The following ANKS1B variants were observed in gnomAD, a reference collection of about 807,000 sequenced individuals.
The protein encoded by ANKS1B is ankyrin repeat and sterile alpha motif domain-containing protein 1B.
ANKS1B carries 36 observed loss-of-function variants against 148.3 expected under a neutral mutation model. The observed-to-expected ratio is 0.24, with a 90% CI of 0.19 to 0.32. ANKS1B has a LOEUF of 0.32. ANKS1B is among the 10% of genes least tolerant of loss of function. The probability of loss-of-function intolerance (pLI) is 1.00; values close to 1 mark genes in which losing one functional copy is unlikely to be tolerated. For missense variants in ANKS1B, 1,157 were observed against 1,542.6 expected, an observed-to-expected ratio of 0.75 and a Z score of 4.19; for synonymous variants, 542 against 560.8, an observed-to-expected ratio of 0.97 and a Z score of 0.47.
chr12:99,409,660 TA>T (rs2094625253), intron 11 of ANKS1B, among the ~76,000 whole-genome samples: 3 of 151,352 alleles, frequency 2.0e-5, no homozygotes, highest in African/African-American at 7.3e-5. Context: ...AACTAAAAAT[TA>T]AAATAAAAAA....
intron 14 of ANKS1B, among the ~76,000 whole-genome samples, chr12:99,239,870 G>A (rs1030569140): frequency 6.6e-6 from 1 of 152,158 alleles, no homozygotes; most frequent in Non-Finnish European, 1.5e-5. Context: ...CAAATGCTGA[G>A]AGATTTTGTC....
intron 25 of ANKS1B, among the ~76,000 whole-genome samples, chr12:98,754,122 T>C (rs2098170049): frequency 1.3e-5 from 2 of 152,310 alleles, no homozygotes; most frequent in Admixed American, 1.3e-4. Context: ...AGTGAGTTGC[T>C]AGGAAATACT....
At chr12:99,388,163 A>G (rs573627201) in intron 12 of ANKS1B, among the ~76,000 whole-genome samples, 3 of 152,234 alleles carry the variant, frequency 2.0e-5, no homozygotes, top group Non-Finnish European at 4.4e-5. Flanking sequence ...GAACTCTGTT[A>G]GCTTTAAGAG....
intron 12 of ANKS1B, among the ~76,000 whole-genome samples, chr12:99,256,198 C>T (rs566920622): frequency 1.5e-4 from 22 of 149,176 alleles, no homozygotes; most frequent in South Asian, 1.1e-3. Flanking sequence ...TGCAGTGTGC[C>T]GAGTTCGTGT....
chr12:99,649,400 T>C (rs2153433865), intron 9 of ANKS1B: 2 of 1,602,686 alleles, frequency 1.2e-6, no homozygotes, highest in East Asian at 2.2e-5. Context: ...GAGATATGAA[T>C]CCAACATACC....
At chr12:99,315,256 A>G (rs544594834) in intron 12 of ANKS1B, among the ~76,000 whole-genome samples, 1 of 152,098 alleles carries the variant, frequency 6.6e-6, no homozygotes, top group Non-Finnish European at 1.5e-5. Flanking sequence ...AAAAAAACAA[A>G]AAACCTATCA....
chr12:98,819,493 G>C (rs2099167167), intron 19 of ANKS1B, among the ~76,000 whole-genome samples: 1 of 152,158 alleles, frequency 6.6e-6, no homozygotes. Flanking sequence ...TGTTTCAGAA[G>C]ATATCATGAA....
intron 9 of ANKS1B, among the ~76,000 whole-genome samples, chr12:99,632,356 A>C (rs996462332): frequency 1.3e-5 from 2 of 152,110 alleles, no homozygotes; most frequent in African/African-American, 4.8e-5. Flanking sequence ...GTGACCACAG[A>C]CAGCCCCTGC....
chr12:99,535,350 G>A (rs1037532720), intron 9 of ANKS1B, among the ~76,000 whole-genome samples: 6 of 152,170 alleles, frequency 3.9e-5, no homozygotes, highest in African/African-American at 7.2e-5. Flanking sequence ...GTTGTCCCAC[G>A]TCCATGTTAA....
chr12:98,939,413 T>C (rs2099831321), intron 17 of ANKS1B, among the ~76,000 whole-genome samples: 1 of 152,232 alleles, frequency 6.6e-6, no homozygotes, highest in African/African-American at 2.4e-5. Context: ...AAGAATTTGC[T>C]AAGCAGATGC....
intron 8 of ANKS1B, among the ~76,000 whole-genome samples, chr12:99,755,852 G>A (rs146172890): frequency 0.016 from 2,399 of 151,896 alleles, 20 homozygotes; most frequent in Non-Finnish European, 0.026. Flanking sequence ...AACCAACAAA[G>A]ATCAAAGAAG....
In ANKS1B at chr12:98,896,472, T is replaced by C. The variant is rs1469069997; in HGVS notation, c.2779-64336A>G. The stretch of plus-strand genomic sequence containing the variant: ...AAAGGCTTAGATCTGCAACTGGTAG[T>C]TTTGGAAGAACATTCTTTTCCTTAA... On this transcript the variant is annotated intron_variant, in intron 17 of 26. Transcript: ENST00000683438. Among the ~76,000 whole-genome samples, 4 of 152,186 alleles carry C rather than the reference T, an allele frequency of 2.6e-5. 1 individual carries two copies. Among genetic ancestry groups the C allele is most frequent in the African/African-American group, 9.7e-5 (4 of 41,434 alleles).
chr12:99,538,210 T>C (rs1445409907), intron 9 of ANKS1B, among the ~76,000 whole-genome samples: 3 of 152,150 alleles, frequency 2.0e-5, no homozygotes, highest in African/African-American at 4.8e-5. Flanking sequence ...AGTTTTGTTC[T>C]TTTTGCTTAG....
chr12:99,018,986 T>C (rs1346372136), intron 17 of ANKS1B, among the ~76,000 whole-genome samples: 2 of 152,208 alleles, frequency 1.3e-5, no homozygotes, highest in South Asian at 2.1e-4. Context: ...TGTTGCTATA[T>C]AGTTATGAAA....
chr12:99,257,630 T>C (rs1260227395), intron 12 of ANKS1B, among the ~76,000 whole-genome samples: 4 of 152,178 alleles, frequency 2.6e-5, no homozygotes, highest in African/African-American at 7.2e-5. Context: ...CCAGTAATAA[T>C]ATCTATAGTC....
chr12:98,904,353 G>A (rs970560374), intron 17 of ANKS1B, among the ~76,000 whole-genome samples: 1 of 151,924 alleles, frequency 6.6e-6, no homozygotes, highest in Non-Finnish European at 1.5e-5. Flanking sequence ...AAAGATGAAG[G>A]TTCTGCTGTT....
intron 20 of ANKS1B, among the ~76,000 whole-genome samples, chr12:98,802,599 T>C (rs904930364): frequency 4.3e-5 from 1 of 23,204 alleles, no homozygotes; most frequent in Non-Finnish European, 1.5e-4. Flanking sequence ...ACAGGCTTTT[T>C]TTTTTTTTTT....
intron 10 of ANKS1B, among the ~76,000 whole-genome samples, chr12:99,446,665 T>C (rs1272890303): frequency 6.6e-6 from 1 of 152,022 alleles, no homozygotes; most frequent in Non-Finnish European, 1.5e-5. Flanking sequence ...CATAGAAACA[T>C]AGCCTGAAGA....
chr12:99,836,232 C>A lies in ANKS1B; in HGVS notation c.135-10843G>T, dbSNP rs2084838164. The stretch of plus-strand genomic sequence containing the variant: ...ACAGACACATACACACACACACGCA[C>A]AAAAGCTTTCTAAAAATAACTGCAA... On this transcript the variant is annotated intron_variant, in intron 1 of 26. Coordinates refer to ENST00000683438, the MANE Select transcript of ANKS1B (RefSeq NM_001352186.2). Among the ~76,000 whole-genome samples the A allele has an allele frequency of 4.6e-5, 7 of 151,574 alleles. 1 individual carries two copies. The South Asian group carries it at 1.5e-3, about 31-fold the overall frequency.
Sources: gnomAD v4.1 joint callset for allele counts (sites outside exome capture counted in the v4.1 genomes callset) on GRCh38, gnomAD v4.1.1 for gene constraint, MANE v1.5 for transcripts, NCBI Gene and HGNC (gene_info 2026-07-23, HGNC 2026-07-21) for gene names.